GDPD4: variants seen among roughly 807,000 people sequenced by gnomAD.
The protein encoded by GDPD4 is glycerophosphodiester phosphodiesterase domain containing 4, also known as glycerophosphodiester phosphodiesterase 6.
A neutral mutation model predicts 67.8 loss-of-function variants in GDPD4; 60 were observed. That is an observed-to-expected ratio of 0.88 (90% CI 0.72 to 1.10). The LOEUF is 1.10. Among genes scored for constraint, GDPD4 ranks in the 50% least tolerant of loss-of-function variants. The pLI is 0.00. For missense variants in GDPD4, 623 were observed against 613.9 expected, an observed-to-expected ratio of 1.01 and a Z score of -0.16; for synonymous variants, 212 against 210.9, an observed-to-expected ratio of 1.00 and a Z score of -0.04.
Position 77,229,134 on chromosome 11 carries a change from T to TTA in GDPD4, c.1472+14_1472+15dup, listed in dbSNP as rs763869431. ...TATTTTGGAAAAAATTCATTTAAAA[T>TTA]TATATATATACTTACCAGTGAAAAC... On this transcript the variant is annotated intron_variant, in intron 15 of 16. Transcript: ENST00000315938. The TTA allele has an allele frequency of 1.6e-6, 2 of 1,244,100 alleles. No individual in the cohort carries two copies. The highest frequency in any genetic ancestry group is 2.5e-5 in the East Asian group (1 of 39,434). The allele number at this position is 1,244,100 out of a possible 1,614,324, so 77.1% of individuals were successfully genotyped here.
At chr11:77,228,197 A>G (rs1417936813) in intron 15 of GDPD4, among the ~76,000 whole-genome samples, 1 of 151,580 alleles carries the variant, frequency 6.6e-6, no homozygotes, top group Admixed American at 6.6e-5. Flanking sequence ...TACTAAAAAT[A>G]CAAAAATTAG....
At chr11:77,252,038 G>T (rs28817362) in intron 11 of GDPD4, among the ~76,000 whole-genome samples, 35,139 of 136,650 alleles carry the variant, frequency 0.26, 4,714 homozygotes, top group Admixed American at 0.36. Context: ...GTCCATTTGG[G>T]TTTTTTTGTT....
intron 11 of GDPD4, among the ~76,000 whole-genome samples, chr11:77,257,337 T>C (rs746555974): frequency 2.6e-5 from 4 of 152,192 alleles, no homozygotes; most frequent in Non-Finnish European, 5.9e-5. Context: ...TAATCTATCT[T>C]GAGAAAGTAG....
intron 1 of GDPD4, among the ~76,000 whole-genome samples, chr11:77,293,411 T>C (rs993480932): frequency 5.3e-5 from 8 of 152,010 alleles, no homozygotes; most frequent in Non-Finnish European, 1.2e-4. Flanking sequence ...ATGGGCAACA[T>C]GGCCAAATCC....
intron 5 of GDPD4, among the ~76,000 whole-genome samples, chr11:77,272,790 A>T (rs866502217): frequency 0.012 from 1,869 of 150,712 alleles, 38 homozygotes; most frequent in African/African-American, 0.041. Context: ...AAAAAAAAAA[A>T]TTTTTTTTTG....
Position 77,245,413 on chromosome 11 carries a change from C to G in GDPD4, c.954G>C (p.Leu318Phe). Residue 318 changes from leucine to phenylalanine, a missense_variant, in exon 12 of 17, where the codon TTG (leucine) becomes TTC (phenylalanine). By Grantham distance (22) the Leu-to-Phe change is conservative. Transcript: ENST00000315938. ...ATTTTCTTTCCTTCTCTGCAAGTGT[C>G]AATAAATCAGCTAGTGTTGGAATTG... ...NQSIPTLADLLTLAEKERKFV... is the reference protein window; with the variant it reads ...NQSIPTLADLFTLAEKERKFV... The G allele has an allele frequency of 6.2e-7, 1 of 1,614,104 alleles. No homozygotes were observed.
chr11:77,231,471 C>G (rs1157131765), intron 14 of GDPD4, among the ~76,000 whole-genome samples: 1 of 152,166 alleles, frequency 6.6e-6, no homozygotes, highest in Non-Finnish European at 1.5e-5. Context: ...AGCCTCACCT[C>G]CCTGAATAAA....
chr11:77,266,813 T>G (rs1293592596), intron 10 of GDPD4, among the ~76,000 whole-genome samples: 2 of 152,224 alleles, frequency 1.3e-5, no homozygotes, highest in African/African-American at 4.8e-5. Context: ...AATATTTTTG[T>G]ACAGCTGTAC....
intron 10 of GDPD4, among the ~76,000 whole-genome samples, chr11:77,260,918 A>T (rs759258149): frequency 7.2e-5 from 11 of 152,222 alleles, no homozygotes; most frequent in Admixed American, 6.5e-5. Flanking sequence ...CTGTAAGGCA[A>T]TGATCAAGCA....
chr11:77,231,071 C>A (rs1362397445), intron 14 of GDPD4, among the ~76,000 whole-genome samples: 1 of 152,180 alleles, frequency 6.6e-6, no homozygotes, highest in Non-Finnish European at 1.5e-5. Context: ...TCCAGCCCAG[C>A]TGACTTGGCT....
chr11:77,228,271 G>A (rs1958381406), intron 15 of GDPD4, among the ~76,000 whole-genome samples: 1 of 151,874 alleles, frequency 6.6e-6, no homozygotes, highest in Admixed American at 6.6e-5. Context: ...GGCCGAGGCG[G>A]GCAGATCACA....
intron 10 of GDPD4, among the ~76,000 whole-genome samples, chr11:77,268,060 A>G (rs1005366870): frequency 1.3e-5 from 2 of 152,104 alleles, no homozygotes; most frequent in Non-Finnish European, 2.9e-5. Context: ...TAGCTGGAAC[A>G]TCTTTTAGGT....
At chr11:77,232,823 T>C (rs561430756) in intron 14 of GDPD4, among the ~76,000 whole-genome samples, 3 of 152,214 alleles carry the variant, frequency 2.0e-5, no homozygotes, top group Non-Finnish European at 2.9e-5. Context: ...TCAATAAATG[T>C]CAATTATTAT....
chr11:77,229,703 C>G (rs1204034554), intron 14 of GDPD4, among the ~76,000 whole-genome samples: 1 of 152,246 alleles, frequency 6.6e-6, no homozygotes, highest in South Asian at 2.1e-4. Flanking sequence ...ATTTTTAACA[C>G]ATTCCCAGGT....
At chr11:77,274,480 T>C (rs1959359434) in intron 5 of GDPD4, among the ~76,000 whole-genome samples, 1 of 152,096 alleles carries the variant, frequency 6.6e-6, no homozygotes, top group South Asian at 2.1e-4. Flanking sequence ...TCTGGTTGTT[T>C]AAAAGGGCCT....
intron 3 of GDPD4, among the ~76,000 whole-genome samples, chr11:77,279,889 G>A (rs1217327023): frequency 6.6e-6 from 1 of 151,892 alleles, no homozygotes; most frequent in Non-Finnish European, 1.5e-5. Context: ...TTAATGATTT[G>A]TTAGGAGAAA....
chr11:77,272,276 T>C (rs1419770979), intron 5 of GDPD4, among the ~76,000 whole-genome samples: 1 of 152,168 alleles, frequency 6.6e-6, no homozygotes, highest in Non-Finnish European at 1.5e-5. Flanking sequence ...CAAAACATTA[T>C]ACCCAAATTT....
chr11:77,271,071 G>T, intron 7 of GDPD4, 59 bp downstream of exon 7: 1 of 1,157,174 alleles, frequency 8.6e-7, no homozygotes, highest in Non-Finnish European at 1.3e-6. Flanking sequence ...CCTGAGTGGA[G>T]TATGCAAGCT....
intron 5 of GDPD4, among the ~76,000 whole-genome samples, chr11:77,274,385 G>C (rs1307963071): frequency 6.6e-6 from 1 of 152,148 alleles, no homozygotes; most frequent in Non-Finnish European, 1.5e-5. Context: ...GAGGTGTTTG[G>C]ATCATGGGGA....
Sources: gnomAD v4.1 joint callset for allele counts (sites outside exome capture counted in the v4.1 genomes callset) on GRCh38, gnomAD v4.1.1 for gene constraint, MANE v1.5 for transcripts, NCBI Gene and HGNC (gene_info 2026-07-23, HGNC 2026-07-21) for gene names.